The following SLC15A5 variants were observed in gnomAD, a reference collection of about 807,000 sequenced individuals.
The protein encoded by SLC15A5 is Peptide/histidine transporter ENSP00000340402.
A neutral mutation model predicts 56.1 loss-of-function variants in SLC15A5; 58 were observed. That is an observed-to-expected ratio of 1.03 (90% CI 0.84 to 1.29). The LOEUF (loss-of-function observed/expected upper bound fraction) is 1.29. SLC15A5 is among the 50% of genes most tolerant of loss of function. The pLI is 0.00. For missense variants in SLC15A5, 681 were observed against 672.1 expected (o/e 1.01, Z -0.15); for synonymous variants, 264 against 250.5 (o/e 1.05, Z -0.51).
At chr12:16,206,738 G>A (rs1275699393) in intron 7 of SLC15A5, among the ~76,000 whole-genome samples, 1 of 152,174 alleles carries the variant, frequency 6.6e-6, no homozygotes, top group Admixed American at 6.5e-5. Flanking sequence ...CGACTTTAAT[G>A]TGCATTTCCA....
intron 5 of SLC15A5, among the ~76,000 whole-genome samples, chr12:16,232,024 T>G (rs1368405274): frequency 6.6e-6 from 1 of 152,232 alleles, no homozygotes; most frequent in African/African-American, 2.4e-5. Flanking sequence ...AGTCATATCA[T>G]CCTGAGTAAT....
rs1428646813 is a variant in SLC15A5 at position 16,277,482 on chromosome 12, G to A, written c.204C>T (p.Cys68=). Residue 68 remains cysteine (C), a synonymous_variant, in exon 1 of 9, where the codon TGC becomes TGT. Transcript: ENST00000344941. ...FEVVCNMIPF[C]TIKLGYHNCQ... Reference sequence around the variant, plus strand: ...AATTGTGATAGCCAAGCTTGATAGTGCAAAAGGGGATCATGTTGCAGACGA... The same window carrying A: ...AATTGTGATAGCCAAGCTTGATAGTACAAAAGGGGATCATGTTGCAGACGA... 12 of 1,536,538 alleles carry A rather than the reference G, an allele frequency of 7.8e-6. No individual in the cohort carries two copies. Among genetic ancestry groups the A allele is most frequent in the Non-Finnish European group, 1.0e-5 (12 of 1,146,448 alleles).
Position 16,243,491 on chromosome 12 carries a change from A to C in SLC15A5, c.975+1089T>G, listed in dbSNP as rs781211369. On this transcript the variant is annotated intron_variant, in intron 4 of 8. Coordinates refer to ENST00000344941, the MANE Select transcript of SLC15A5 (RefSeq NM_001170798.1). This position sits in a 1 kb window ranked among gnomAD's most constrained non-coding sequence, Gnocchi z 4.4. The stretch of plus-strand genomic sequence containing the variant: ...CCCAAAGTGCTGGGATTACAGGTGT[A>C]AGCCACCACGCTGGGCTAAATTTTA... 2.6e-5 allele frequency among the ~76,000 whole-genome samples: 4 copies of C among 152,156 alleles called. No individual in the cohort carries two copies. The highest frequency in any genetic ancestry group is 6.6e-5 in the Admixed American group (1 of 15,266).
intron 5 of SLC15A5, among the ~76,000 whole-genome samples, chr12:16,229,232 C>T (rs1468021267): frequency 6.6e-6 from 1 of 152,216 alleles, no homozygotes; most frequent in East Asian, 1.9e-4. Flanking sequence ...TAACTTTTAA[C>T]ATGGCCTGTG....
At chr12:16,220,452 A>G (rs893279407) in intron 6 of SLC15A5, among the ~76,000 whole-genome samples, 2 of 152,312 alleles carry the variant, frequency 1.3e-5, no homozygotes, top group South Asian at 2.1e-4. Flanking sequence ...TCTGATCTCC[A>G]ATCTACCTCA....
At chr12:16,197,507 A>G (rs1231704541) in intron 7 of SLC15A5, among the ~76,000 whole-genome samples, 1 of 152,148 alleles carries the variant, frequency 6.6e-6, no homozygotes, top group Non-Finnish European at 1.5e-5. Flanking sequence ...TTGGGCAAAT[A>G]ACTGGACCAC....
rs1179763598 is a variant in SLC15A5 at position 16,257,814 on chromosome 12, A to T, written c.641T>A (p.Ile214Asn). 2 of 1,525,248 alleles carry T rather than the reference A, an allele frequency of 1.3e-6. No individual in the cohort carries two copies. Among genetic ancestry groups the T allele is most frequent in the Non-Finnish European group, 1.8e-6 (2 of 1,142,804 alleles). The allele number at this position is 1,525,248 out of a possible 1,614,324, so 94.5% of individuals were successfully genotyped here. Residue 214 changes from isoleucine (I) to asparagine (N), a missense_variant, in exon 3 of 9, where the codon ATC becomes AAC. Physicochemically the swap from Ile to Asn is moderately radical, Grantham distance 149. Transcript: ENST00000344941. ...AAGGGCCCAGGCCTGTGAGTGCTGGATGTAAGATATTCCCAGAAACACAAT... is the reference window on the plus strand; with the variant it reads ...AAGGGCCCAGGCCTGTGAGTGCTGGTTGTAAGATATTCCCAGAAACACAAT... ...ATIVFLGISY[I>N]QHSQAWALVL...
chr12:16,254,228 A>AAAT (rs1328289506), intron 3 of SLC15A5, among the ~76,000 whole-genome samples: 4 of 152,032 alleles, frequency 2.6e-5, no homozygotes, highest in African/African-American at 4.8e-5. Context: ...CCTGTCTTTG[A>AAAT]AATAATAATA....
chr12:16,248,693 T>C (rs893816227), intron 3 of SLC15A5, among the ~76,000 whole-genome samples: 1 of 152,142 alleles, frequency 6.6e-6, no homozygotes, highest in African/African-American at 2.4e-5. Context: ...ATTAATCCAT[T>C]AGACTTAATA....
At chr12:16,261,832 C>T (rs1864646169) in intron 2 of SLC15A5, among the ~76,000 whole-genome samples, 1 of 152,030 alleles carries the variant, frequency 6.6e-6, no homozygotes, top group Non-Finnish European at 1.5e-5. Context: ...GCTTATTGAC[C>T]ATCTGCATAT....
chr12:16,241,941 C>T (rs1864417974), intron 4 of SLC15A5, among the ~76,000 whole-genome samples: 2 of 152,096 alleles, frequency 1.3e-5, no homozygotes, highest in Admixed American at 6.5e-5. Context: ...TCATTTCTGC[C>T]TCTGCCTGAA....
At chr12:16,216,641 A>G (rs1347488597) in intron 7 of SLC15A5, among the ~76,000 whole-genome samples, 3 of 152,160 alleles carry the variant, frequency 2.0e-5, no homozygotes, top group Admixed American at 6.6e-5. Flanking sequence ...GAATATAATG[A>G]CCAGTTTGTT....
At chr12:16,253,335 G>T (rs1268482660) in intron 3 of SLC15A5, among the ~76,000 whole-genome samples, 1 of 152,084 alleles carries the variant, frequency 6.6e-6, no homozygotes, top group Non-Finnish European at 1.5e-5. Flanking sequence ...AATCCACAGA[G>T]TGAAAAGGCA....
chr12:16,273,927 A>G (rs1309287665), intron 1 of SLC15A5, among the ~76,000 whole-genome samples: 1 of 148,974 alleles, frequency 6.7e-6, no homozygotes, highest in Admixed American at 6.7e-5. Flanking sequence ...AAAAATATTT[A>G]TATTTTACTT....
intron 7 of SLC15A5, among the ~76,000 whole-genome samples, chr12:16,200,213 A>G (rs544110518): frequency 6.6e-6 from 1 of 150,942 alleles, no homozygotes. Context: ...TAATATAATA[A>G]TGAATGAGAA....
chr12:16,189,766 G>A lies in SLC15A5; in HGVS notation c.1642C>T (p.Leu548Phe). ...FNAQNIRGSN[L>F]EETLLLHEKS... The stretch of plus-strand genomic sequence containing the variant: ...TCGTGGAGGAGAAGTGTTTCTTCAA[G>A]ATTACTTCCACGGATGTTCTGGGCA... Residue 548 changes from leucine to phenylalanine, a missense_variant, in exon 9 of 9, where the codon CTT becomes TTT. Physicochemically the swap from Leu to Phe is conservative, Grantham distance 22 (BLOSUM62 0). Coordinates refer to ENST00000344941, the MANE Select transcript of SLC15A5 (RefSeq NM_001170798.1). The A allele has an allele frequency of 6.5e-7, 1 of 1,529,044 alleles. No homozygotes were observed. Among genetic ancestry groups the A allele is most frequent in the Non-Finnish European group, 8.8e-7 (1 of 1,142,838 alleles). The allele number at this position is 1,529,044 out of a possible 1,614,324, so 94.7% of individuals were successfully genotyped here.
At chr12:16,244,477 A>G (rs7297372) in intron 4 of SLC15A5, 103 bp downstream of exon 4, 462,875 of 1,023,184 alleles carry the variant, frequency 0.45, 107,136 homozygotes, top group South Asian at 0.63. Context: ...GCCTGCCGAC[A>G]TATATGGAAA....
intron 6 of SLC15A5, among the ~76,000 whole-genome samples, chr12:16,220,410 A>G (rs1714929242): frequency 1.3e-5 from 2 of 152,086 alleles, no homozygotes; most frequent in Non-Finnish European, 2.9e-5. Context: ...CATCCTTTCA[A>G]TCTTGGTTGT....
intron 7 of SLC15A5, among the ~76,000 whole-genome samples, chr12:16,208,594 G>T (rs141206518): frequency 6.6e-6 from 1 of 152,144 alleles, no homozygotes; most frequent in Non-Finnish European, 1.5e-5. Flanking sequence ...TTGAGCCCAG[G>T]AGTTTAAGGC....
Sources: gnomAD v4.1 joint callset for allele counts (sites outside exome capture counted in the v4.1 genomes callset) on GRCh38, gnomAD v4.1.1 for gene constraint, Gnocchi (gnomAD v3.1) non-coding constraint, MANE v1.5 for transcripts, NCBI Gene and HGNC (gene_info 2026-07-23, HGNC 2026-07-21) for gene names.